Variants in TCERG1L observed in about 807,000 individuals in gnomAD.
The protein encoded by TCERG1L is transcription elongation regulator 1 like.
Under a neutral mutation model 56.3 loss-of-function variants are expected in TCERG1L, and 37 were observed. That is an observed-to-expected ratio of 0.66 (90% confidence interval 0.51 to 0.87). The LOEUF is 0.87. Among genes scored for constraint, TCERG1L ranks in the 40% least tolerant of loss-of-function variants. The probability of loss-of-function intolerance (pLI) is 0.00; values close to 1 mark genes in which losing one functional copy is unlikely to be tolerated. For synonymous variants in TCERG1L, 324 were observed against 326.3 expected (o/e 0.99, Z 0.08); for missense variants, 799 against 774.2 (o/e 1.03, Z -0.38).
At chr10:131,157,609 A>G (rs1040770738) in intron 6 of TCERG1L, among the ~76,000 whole-genome samples, 3 of 152,214 alleles carry the variant, frequency 2.0e-5, no homozygotes. Flanking sequence ...AAGACGATAC[A>G]GAAATTCCGA....
intron 4 of TCERG1L, among the ~76,000 whole-genome samples, chr10:131,175,224 C>A (rs531845277): frequency 3.3e-5 from 5 of 152,326 alleles, no homozygotes; most frequent in African/African-American, 9.6e-5. Context: ...CTGCACCCAG[C>A]AGAGTGAGCT....
At chr10:131,096,958 G>A (rs2133377517) in intron 11 of TCERG1L, among the ~76,000 whole-genome samples, 1 of 151,828 alleles carries the variant, frequency 6.6e-6, no homozygotes, top group Non-Finnish European at 1.5e-5. Flanking sequence ...CAAGTACTTT[G>A]GGAGGTCGAG....
At chr10:131,268,076 T>G (rs991290117) in intron 3 of TCERG1L, among the ~76,000 whole-genome samples, 2 of 152,002 alleles carry the variant, frequency 1.3e-5, no homozygotes, top group Non-Finnish European at 2.9e-5. Context: ...GGATTCCCAG[T>G]CCCCTAAGAC....
intron 4 of TCERG1L, among the ~76,000 whole-genome samples, chr10:131,224,781 T>C (rs369881335): frequency 8.6e-6 from 1 of 115,748 alleles, no homozygotes; most frequent in African/African-American, 3.3e-5. Flanking sequence ...AGATAAAACA[T>C]GTGGGAAAAC....
At chr10:131,236,241 T>C (rs906915306) in intron 4 of TCERG1L, among the ~76,000 whole-genome samples, 1 of 152,276 alleles carries the variant, frequency 6.6e-6, no homozygotes, top group Non-Finnish European at 1.5e-5. Flanking sequence ...CTCCAACCTG[T>C]GATCTATGAT....
At chr10:131,273,915 T>C (rs1046997882) in intron 3 of TCERG1L, among the ~76,000 whole-genome samples, 9 of 152,208 alleles carry the variant, frequency 5.9e-5, no homozygotes, top group Admixed American at 2.0e-4. Context: ...AGAGAAACTA[T>C]TCCCCCGTGA....
intron 4 of TCERG1L, among the ~76,000 whole-genome samples, chr10:131,234,570 G>A (rs937894875): frequency 6.6e-5 from 10 of 152,162 alleles, no homozygotes; most frequent in South Asian, 6.2e-4. Context: ...CTTACATCAC[G>A]GGAGAAAGAG....
At chr10:131,132,203 G>C (rs899139730) in intron 8 of TCERG1L, among the ~76,000 whole-genome samples, 5 of 152,090 alleles carry the variant, frequency 3.3e-5, no homozygotes, top group African/African-American at 1.2e-4. Context: ...CTCAGTCCTC[G>C]GGCTGACTGC....
At chr10:131,279,267 AG>A (rs932818544) in intron 3 of TCERG1L, among the ~76,000 whole-genome samples, 1 of 152,186 alleles carries the variant, frequency 6.6e-6, no homozygotes, top group African/African-American at 2.4e-5. Flanking sequence ...GACAGAGGAA[AG>A]GTGAGAGGGG....
At position 131,311,208 on chromosome 10, in the gene TCERG1L, C is replaced by G. The variant is rs1307873124; in HGVS notation, c.342+86G>C. The G allele has an allele frequency of 9.3e-7, 1 of 1,079,794 alleles. No individual in the cohort carries two copies. The highest frequency in any genetic ancestry group is 1.2e-6 in the Non-Finnish European group (1 of 866,050). 66.9% of individuals were successfully genotyped at this position (1,079,794 alleles called of 1,614,324 possible). A position where few individuals can be genotyped will look rare whatever the true frequency, so the allele number is the denominator to read the frequency against. The stretch of plus-strand genomic sequence containing the variant: ...ACCGCCGGGGAGGAGGGCGCGCGAG[C>G]CGGAGGCCAGAGCCGGGCCGGGCAG... On this transcript the variant is annotated intron_variant, in intron 1 of 11. Transcript: ENST00000368642. This position sits in a 1 kb window ranked among gnomAD's most constrained non-coding sequence, Gnocchi z 4.0.
At chr10:131,303,253 A>T (rs1441047273) in intron 3 of TCERG1L, among the ~76,000 whole-genome samples, 2 of 152,128 alleles carry the variant, frequency 1.3e-5, no homozygotes, top group Non-Finnish European at 1.5e-5. Context: ...ATAGTGTAAA[A>T]GCGTTCCTAT....
intron 8 of TCERG1L, among the ~76,000 whole-genome samples, chr10:131,124,658 G>A (rs984226650): frequency 7.2e-5 from 11 of 151,874 alleles, no homozygotes; most frequent in African/African-American, 2.7e-4. Context: ...GCTCATCATC[G>A]CTGCCTGTCC....
At chr10:131,303,153 T>C (rs1408933838) in intron 3 of TCERG1L, among the ~76,000 whole-genome samples, 1 of 152,070 alleles carries the variant, frequency 6.6e-6, no homozygotes, top group Non-Finnish European at 1.5e-5. Flanking sequence ...AGTAATGAGA[T>C]TGCTGGTTCA....
At chr10:131,126,315 C>T (rs1259835089) in intron 8 of TCERG1L, among the ~76,000 whole-genome samples, 1 of 152,166 alleles carries the variant, frequency 6.6e-6, no homozygotes, top group Non-Finnish European at 1.5e-5. Context: ...AGTGATCAGG[C>T]CATGGGAGCT....
Position 131,311,065 on chromosome 10 carries a change from C to T in TCERG1L, c.342+229G>A, listed in dbSNP as rs1002551355. Among the ~76,000 whole-genome samples the T allele has an allele frequency of 1.3e-5, 2 of 152,204 alleles. No homozygotes were observed. The highest frequency in any genetic ancestry group is 6.5e-5 in the Admixed American group (1 of 15,292). ...GCGGCGGGTCCCTCCACGGCTCCGT[C>T]CAGACACCCGGAGGCACCTGCCAAA... On this transcript the variant is annotated intron_variant, in intron 1 of 11. Coordinates refer to ENST00000368642, the MANE Select transcript of TCERG1L (RefSeq NM_174937.4). This position sits in a 1 kb window ranked among gnomAD's most constrained non-coding sequence, Gnocchi z 4.0.
chr10:131,204,055 A>G (rs1845487895), intron 4 of TCERG1L, among the ~76,000 whole-genome samples: 1 of 152,178 alleles, frequency 6.6e-6, no homozygotes, highest in Non-Finnish European at 1.5e-5. Context: ...GGAATGAGCG[A>G]CCTCATGGAA....
intron 7 of TCERG1L, among the ~76,000 whole-genome samples, chr10:131,140,749 G>A (rs182401643): frequency 2.6e-5 from 4 of 152,280 alleles, no homozygotes; most frequent in East Asian, 3.9e-4. Flanking sequence ...AAACAAGGGC[G>A]GGCACCAGGA....
chr10:131,146,314 G>T (rs768819809), intron 7 of TCERG1L, among the ~76,000 whole-genome samples, 192 bp downstream of exon 7: 1 of 152,178 alleles, frequency 6.6e-6, no homozygotes, highest in African/African-American at 2.4e-5. Flanking sequence ...AGAGCCGACC[G>T]CTTGGAAGGA....
intron 3 of TCERG1L, among the ~76,000 whole-genome samples, chr10:131,279,946 T>C (rs1296067975): frequency 6.6e-6 from 1 of 151,918 alleles, no homozygotes; most frequent in Non-Finnish European, 1.5e-5. Flanking sequence ...AGTTTCTCCA[T>C]GTGGAATGCG....
Sources: allele counts gnomAD v4.1 joint callset (sites outside exome capture counted in the v4.1 genomes callset), GRCh38; gene constraint gnomAD v4.1.1; non-coding constraint Gnocchi (gnomAD v3.1); transcripts MANE v1.5; gene names NCBI Gene and HGNC (gene_info 2026-07-23, HGNC 2026-07-21).